Variants in PDE4D observed in about 807,000 individuals in gnomAD.
PDE4D encodes the protein 3',5'-cyclic-AMP phosphodiesterase 4D.
PDE4D carries 24 observed loss-of-function variants against 87.4 expected under a neutral mutation model. The observed-to-expected ratio is 0.27, with a 90% CI of 0.20 to 0.39. The LOEUF (loss-of-function observed/expected upper bound fraction) is 0.39. Ranked by LOEUF, PDE4D falls within the 10% of genes least tolerant of loss-of-function variation. PDE4D has a pLI of 1.00. For missense variants in PDE4D, 714 were observed against 1,041.0 expected, an observed-to-expected ratio of 0.69 and a Z score of 4.32; for synonymous variants, 384 against 383.2, an observed-to-expected ratio of 1.00 and a Z score of -0.02.
chr5:60,068,267 A>G (rs957829155), intron 2 of PDE4D, among the ~76,000 whole-genome samples: 1 of 152,138 alleles, frequency 6.6e-6, no homozygotes, highest in African/African-American at 2.4e-5. Flanking sequence ...ATTCTACTAT[A>G]GTAGGTGTTA....
intron 1 of PDE4D, among the ~76,000 whole-genome samples, chr5:59,481,143 G>T (rs114792489): frequency 1.3e-5 from 2 of 152,164 alleles, no homozygotes; most frequent in East Asian, 3.9e-4. Context: ...TATTCTGACC[G>T]TTAGCTTATA....
chr5:60,407,601 C>T (rs1741666318), intron 1 of PDE4D, among the ~76,000 whole-genome samples: 1 of 151,148 alleles, frequency 6.6e-6, no homozygotes, highest in African/African-American at 2.4e-5. Context: ...TGCAGGCGCA[C>T]GGCACCACAC....
chr5:59,942,695 T>A (rs961075705), intron 3 of PDE4D, among the ~76,000 whole-genome samples: 4 of 152,070 alleles, frequency 2.6e-5, no homozygotes, highest in African/African-American at 9.7e-5. Flanking sequence ...CTAAAAATGA[T>A]TTTATTGGTA....
chr5:59,679,396 A>C (rs911639898), intron 1 of PDE4D, among the ~76,000 whole-genome samples: 16 of 152,208 alleles, frequency 1.1e-4, no homozygotes, highest in African/African-American at 3.6e-4. Context: ...AACAGCAAGA[A>C]ATTCCACTGC....
chr5:59,654,601 A>C lies in PDE4D; in HGVS notation c.455+238567T>G, dbSNP rs140319750. Reference sequence around the variant, plus strand: ...AACACCTTTATAGAGATGCAACTGAAATACCACACAATCTGCCTGTTTAAA... The same window carrying C: ...AACACCTTTATAGAGATGCAACTGACATACCACACAATCTGCCTGTTTAAA... On this transcript the variant is annotated intron_variant, in intron 1 of 14. Transcript: ENST00000340635. Among the ~76,000 whole-genome samples the C allele has an allele frequency of 4.6e-5, 7 of 152,322 alleles. No homozygotes were observed. The East Asian group carries it at 1.4e-3, about 29-fold the overall frequency.
chr5:59,522,911 GT>G (rs1812491555), intron 1 of PDE4D, among the ~76,000 whole-genome samples: 1 of 152,100 alleles, frequency 6.6e-6, no homozygotes, highest in Admixed American at 6.6e-5. Flanking sequence ...TTTAGAAAAA[GT>G]TTTTAGCCTT....
intron 1 of PDE4D, among the ~76,000 whole-genome samples, chr5:59,771,547 A>AAAGAAAGAAAGAAAG: frequency 6.7e-6 from 1 of 149,514 alleles, no homozygotes; most frequent in East Asian, 1.9e-4. Context: ...AGAAAGAAAG[A>AAAGAAAGAAAGAAAG]AAGAAAAGAA....
chr5:60,011,114 C>T (rs1291205780), intron 2 of PDE4D, among the ~76,000 whole-genome samples: 1 of 152,146 alleles, frequency 6.6e-6, no homozygotes, highest in East Asian at 1.9e-4. Flanking sequence ...GAAAACAGGT[C>T]TGCAAACACA....
intron 5 of PDE4D, among the ~76,000 whole-genome samples, chr5:59,101,289 G>A (rs2153433600): frequency 6.6e-6 from 1 of 152,190 alleles, no homozygotes; most frequent in East Asian, 1.9e-4. Flanking sequence ...CTAATTGTGG[G>A]ACAAAGTGAG....
intron 2 of PDE4D, among the ~76,000 whole-genome samples, chr5:60,046,292 T>A (rs1582353041): frequency 6.6e-6 from 1 of 152,192 alleles, no homozygotes; most frequent in Admixed American, 6.5e-5. Context: ...TTTCTAGATA[T>A]ACAATCATGT....
chr5:59,484,079 G>A (rs1193200933), intron 1 of PDE4D, among the ~76,000 whole-genome samples: 1 of 152,176 alleles, frequency 6.6e-6, no homozygotes, highest in African/African-American at 2.4e-5. Context: ...GGGCAGGGCT[G>A]ACTCCCAGCT....
At chr5:59,551,360 G>T (rs1818086798) in intron 1 of PDE4D, among the ~76,000 whole-genome samples, 1 of 149,280 alleles carries the variant, frequency 6.7e-6, no homozygotes, top group Non-Finnish European at 1.5e-5. Context: ...TTTATATAAG[G>T]TTTAAAGAAA....
chr5:60,166,146 G>A (rs533924340), intron 2 of PDE4D, among the ~76,000 whole-genome samples: 3 of 152,250 alleles, frequency 2.0e-5, no homozygotes, highest in Admixed American at 2.0e-4. Context: ...CCAGGCTGGA[G>A]TGCAGTGGCA....
chr5:59,656,175 C>A (rs1438952589), intron 1 of PDE4D, among the ~76,000 whole-genome samples: 1 of 151,742 alleles, frequency 6.6e-6, no homozygotes, highest in Admixed American at 6.6e-5. Context: ...ACCTCACACA[C>A]ACTTCAGTCA....
chr5:59,133,983 T>TTTG (rs71604780), intron 5 of PDE4D, among the ~76,000 whole-genome samples: 16,341 of 147,612 alleles, frequency 0.11, 1,123 homozygotes, highest in Non-Finnish European at 0.15. Context: ...AGCAACTAGT[T>TTTG]TTGTTGTTGT....
chr5:60,318,697 C>T (rs950958010), intron 1 of PDE4D, among the ~76,000 whole-genome samples: 10 of 152,108 alleles, frequency 6.6e-5, no homozygotes, highest in Non-Finnish European at 8.8e-5. Flanking sequence ...CAAAATCTCT[C>T]AGCATTTGCT....
intron 1 of PDE4D, among the ~76,000 whole-genome samples, chr5:59,366,874 T>A (rs1180515156): frequency 6.6e-6 from 1 of 152,166 alleles, no homozygotes; most frequent in Admixed American, 6.5e-5. Flanking sequence ...GAAATGCAGG[T>A]CAAGGTCAGA....
At chr5:60,063,149 A>AG (rs1771657977) in intron 2 of PDE4D, among the ~76,000 whole-genome samples, 2 of 127,460 alleles carry the variant, frequency 1.6e-5, no homozygotes, top group Non-Finnish European at 3.4e-5. Flanking sequence ...AAAGAAAGAA[A>AG]GAAAGAAGGA....
intron 1 of PDE4D, among the ~76,000 whole-genome samples, chr5:60,463,064 A>G (rs1328813618): frequency 1.3e-5 from 2 of 152,336 alleles, no homozygotes; most frequent in East Asian, 3.9e-4. Flanking sequence ...CAAACTCACC[A>G]AAGAAAGTTG....
Sources: allele counts gnomAD v4.1 joint callset (sites outside exome capture counted in the v4.1 genomes callset), GRCh38; gene constraint gnomAD v4.1.1; transcripts MANE v1.5; gene names NCBI Gene and HGNC (gene_info 2026-07-23, HGNC 2026-07-21).